ARMC1: variants seen among roughly 807,000 people sequenced by gnomAD.
ARMC1 encodes armadillo repeat-containing protein 1.
A neutral mutation model predicts 31.4 loss-of-function variants in ARMC1; 16 were observed. The ratio of observed to expected loss-of-function variants is 0.51; its 90% CI spans 0.34 to 0.77. The LOEUF is 0.77. ARMC1 is among the 30% of genes least tolerant of loss of function. ARMC1 has a pLI of 0.01. For missense variants in ARMC1, 259 were observed against 347.5 expected, an observed-to-expected ratio of 0.75 and a Z score of 2.02; for synonymous variants, 114 against 118.9, an observed-to-expected ratio of 0.96 and a Z score of 0.27.
At position 65,604,540 on chromosome 8, in the gene ARMC1, T is replaced by C. The variant is rs774735268; in HGVS notation, c.703A>G (p.Thr235Ala). ...QDTPVEVEQN[T>A]ELPDYLPEDE... ...TCAGGCAGGTAGTCAGGTAGCTCTG[T>C]GTTCTGTTCAACTTCCACAGGAGTA... Residue 235 changes from threonine to alanine, a missense_variant, in exon 7 of 7, where the codon ACA (threonine) becomes GCA (alanine). Transcript: ENST00000276569. The C allele has an allele frequency of 1.9e-6, 3 of 1,614,064 alleles. No individual in the cohort carries two copies. Among genetic ancestry groups the C allele is most frequent in the Admixed American group, 1.7e-5 (1 of 60,026 alleles).
chr8:65,621,548 GC>G (rs1808393590), intron 3 of ARMC1, among the ~76,000 whole-genome samples: 1 of 152,192 alleles, frequency 6.6e-6, no homozygotes, highest in Non-Finnish European at 1.5e-5. Flanking sequence ...TCGCTCTGTT[GC>G]CCAGGCTAGA....
At chr8:65,612,761 C>G (rs1808169284) in intron 4 of ARMC1, among the ~76,000 whole-genome samples, 2 of 152,012 alleles carry the variant, frequency 1.3e-5, no homozygotes, top group African/African-American at 4.8e-5. Flanking sequence ...ACTCGGGAGG[C>G]TGAGGCAGAA....
chr8:65,622,751 C>T lies in ARMC1; in HGVS notation c.184-397G>A, dbSNP rs373413658. Reference sequence around the variant, plus strand: ...GGTGGCGGGGGGAACGACGTGGGCACAGTGGCTCACACCTATAATCCCAGC... The same window carrying T: ...GGTGGCGGGGGGAACGACGTGGGCATAGTGGCTCACACCTATAATCCCAGC... On this transcript the variant is annotated intron_variant, in intron 2 of 6. Transcript: ENST00000276569. Among the ~76,000 whole-genome samples the T allele has an allele frequency of 4.0e-5, 6 of 151,396 alleles. No homozygotes were observed. In the South Asian group the frequency reaches 6.3e-4, roughly 16 times the overall value.
chr8:65,629,320 T>C (rs1414837073), intron 1 of ARMC1, among the ~76,000 whole-genome samples: 1 of 152,056 alleles, frequency 6.6e-6, no homozygotes, highest in Admixed American at 6.6e-5. Context: ...GAAAGAGAAA[T>C]GCTGCATATT....
chr8:65,612,059 C>T (rs533675704), intron 4 of ARMC1, among the ~76,000 whole-genome samples: 30 of 152,244 alleles, frequency 2.0e-4, no homozygotes, highest in African/African-American at 3.6e-4. Flanking sequence ...TGTGAGCCAC[C>T]GTGCCCGGCC....
intron 1 of ARMC1, among the ~76,000 whole-genome samples, chr8:65,632,736 G>A (rs192101752): frequency 6.6e-6 from 1 of 152,142 alleles, no homozygotes. Flanking sequence ...TGAGGCAGGA[G>A]AATCGCTTGA....
Position 65,604,284 on chromosome 8 carries a change from T to G in ARMC1, c.*110A>C. On this transcript the variant is annotated 3_prime_UTR_variant, in exon 7 of 7. Transcript: ENST00000276569. ...AAATGCAGCATATGCGATCGTGTAATCTAAAAACTTTTCATGATAACTTAT... is the reference window on the plus strand; with the variant it reads ...AAATGCAGCATATGCGATCGTGTAAGCTAAAAACTTTTCATGATAACTTAT... The G allele has an allele frequency of 9.9e-7, 1 of 1,010,930 alleles. No homozygotes were observed. Among genetic ancestry groups the G allele is most frequent in the Admixed American group, 2.5e-5 (1 of 40,194 alleles). The allele number at this position is 1,010,930 out of a possible 1,614,324, so 62.6% of individuals were successfully genotyped here. A position where few individuals can be genotyped will look rare whatever the true frequency, so the allele number is the denominator to read the frequency against.
chr8:65,613,630 C>T (rs4737748), intron 3 of ARMC1, among the ~76,000 whole-genome samples, 197 bp from the exon 4 acceptor site: 96,683 of 152,018 alleles, frequency 0.64, 30,961 homozygotes, highest in African/African-American at 0.69. Context: ...CATTTTAAAC[C>T]CGTGGCTCAT....
At chr8:65,620,322 G>A (rs904360769) in intron 3 of ARMC1, among the ~76,000 whole-genome samples, 5 of 92,408 alleles carry the variant, frequency 5.4e-5, no homozygotes, top group Admixed American at 4.4e-4. Flanking sequence ...TTTTTTTTGA[G>A]AGGGAATCTC....
chr8:65,631,271 G>T (rs1369417022), intron 1 of ARMC1, among the ~76,000 whole-genome samples: 2 of 152,172 alleles, frequency 1.3e-5, no homozygotes, highest in Non-Finnish European at 2.9e-5. Context: ...GTCTCACTCT[G>T]TCACCCAGGC....
intron 3 of ARMC1, among the ~76,000 whole-genome samples, chr8:65,614,463 G>A (rs1246608204): frequency 6.6e-6 from 1 of 152,226 alleles, no homozygotes; most frequent in African/African-American, 2.4e-5. Flanking sequence ...GCCAAACAGA[G>A]TGAGTGGCTA....
intron 4 of ARMC1, among the ~76,000 whole-genome samples, chr8:65,610,950 T>C (rs1808126143): frequency 6.6e-6 from 1 of 152,152 alleles, no homozygotes; most frequent in African/African-American, 2.4e-5. Context: ...TTTTTTTTTT[T>C]TGAGATGGAG....
intron 4 of ARMC1, among the ~76,000 whole-genome samples, chr8:65,611,101 T>C (rs1808130824): frequency 1.3e-5 from 2 of 151,890 alleles, no homozygotes; most frequent in South Asian, 4.2e-4. Context: ...ACCTGGCTAA[T>C]TTTTGTATTT....
intron 4 of ARMC1, among the ~76,000 whole-genome samples, chr8:65,605,963 G>T (rs926497513): frequency 6.6e-6 from 1 of 152,158 alleles, no homozygotes; most frequent in South Asian, 2.1e-4. Context: ...ACACCCACTT[G>T]TTAACATATT....
At chr8:65,624,122 G>A (rs562469871) in intron 2 of ARMC1, among the ~76,000 whole-genome samples, 3 of 151,386 alleles carry the variant, frequency 2.0e-5, no homozygotes, top group South Asian at 2.1e-4. Context: ...AAACAAAAAC[G>A]AAAACAAAAC....
At chr8:65,626,173 G>A (rs542696433) in intron 2 of ARMC1, among the ~76,000 whole-genome samples, 2 of 152,200 alleles carry the variant, frequency 1.3e-5, no homozygotes, top group Non-Finnish European at 2.9e-5. Context: ...TTACAGGAGT[G>A]AGCCACCACG....
At chr8:65,629,542 T>C (rs1425535808) in intron 1 of ARMC1, among the ~76,000 whole-genome samples, 1 of 152,048 alleles carries the variant, frequency 6.6e-6, no homozygotes, top group East Asian at 1.9e-4. Flanking sequence ...GGCTCACACC[T>C]ATAATCCCAG....
chr8:65,614,378 C>T (rs1258744771), intron 3 of ARMC1, among the ~76,000 whole-genome samples: 1 of 152,184 alleles, frequency 6.6e-6, no homozygotes, highest in Non-Finnish European at 1.5e-5. Context: ...TCTCCACTCA[C>T]ATGAGGCTAC....
chr8:65,605,705 A>T (rs1807988243), intron 4 of ARMC1, among the ~76,000 whole-genome samples, 167 bp from the exon 5 acceptor site: 1 of 152,192 alleles, frequency 6.6e-6, no homozygotes, highest in Non-Finnish European at 1.5e-5. Context: ...AATTTTTTAA[A>T]TTTTACAGGA....
Sources: gnomAD v4.1 joint callset for allele counts (sites outside exome capture counted in the v4.1 genomes callset) on GRCh38, gnomAD v4.1.1 for gene constraint, MANE v1.5 for transcripts, NCBI Gene and HGNC (gene_info 2026-07-23, HGNC 2026-07-21) for gene names.